The following LIMD1 variants were observed in gnomAD, a reference collection of about 807,000 sequenced individuals.
LIMD1 encodes LIM domain containing 1, also known as LIM domain-containing protein 1.
LIMD1 carries 23 observed loss-of-function variants against 58.4 expected under a neutral mutation model. The ratio of observed to expected loss-of-function variants is 0.39; its 90% confidence interval spans 0.28 to 0.56. The LOEUF (loss-of-function observed/expected upper bound fraction) is 0.56, where lower values mean the gene tolerates loss of function less well. LIMD1 is among the 20% of genes least tolerant of loss of function. The pLI is 0.57. For missense variants in LIMD1, 838 were observed against 855.5 expected (o/e 0.98, Z 0.25); for synonymous variants, 334 against 345.5 (o/e 0.97, Z 0.37).
At chr3:45,672,127 G>A (rs184238080) in intron 4 of LIMD1, among the ~76,000 whole-genome samples, 11 of 152,356 alleles carry the variant, frequency 7.2e-5, no homozygotes, top group African/African-American at 2.6e-4. Flanking sequence ...ATTGGGTTGA[G>A]TCAGAACTTC....
chr3:45,612,078 T>G (rs1031602436), intron 1 of LIMD1, among the ~76,000 whole-genome samples: 1 of 151,620 alleles, frequency 6.6e-6, no homozygotes, highest in African/African-American at 2.4e-5. Context: ...GCGCTCTCTC[T>G]CTCTCTCTCT....
intron 2 of LIMD1, among the ~76,000 whole-genome samples, chr3:45,642,324 C>G (rs562166935): frequency 3.3e-5 from 5 of 152,058 alleles, no homozygotes; most frequent in African/African-American, 1.2e-4. Flanking sequence ...TACAGACATG[C>G]ACCACCATGT....
chr3:45,608,588 C>G (rs1701490319), intron 1 of LIMD1, among the ~76,000 whole-genome samples: 1 of 152,036 alleles, frequency 6.6e-6, no homozygotes, highest in South Asian at 2.1e-4. Flanking sequence ...ACCTATAATC[C>G]CAACACTTTT....
In LIMD1 at chr3:45,595,393, T is replaced by C. The variant is rs761220558; in HGVS notation, c.514T>C (p.Ser172Pro). The stretch of plus-strand genomic sequence containing the variant: ...CCAGCCAGGCCCCTGTGAGGATCCT[T>C]CCTGCCTCACTCATGGAGACTATTA... ...FHQPGPCEDPSCLTHGDYYDN... is the reference protein window; with the variant it reads ...FHQPGPCEDPPCLTHGDYYDN... The change falls in exon 1 of 8, where the codon TCC becomes CCC. Residue 172 changes from serine (S) to proline (P), a missense_variant. Transcript: ENST00000273317. 2.5e-6 allele frequency: 4 copies of C among 1,613,798 alleles called. No individual in the cohort carries two copies. The highest frequency in any genetic ancestry group is 3.4e-6 in the Non-Finnish European group (4 of 1,180,046).
chr3:45,614,768 G>GT (rs34868046), intron 1 of LIMD1, among the ~76,000 whole-genome samples: 75,549 of 137,370 alleles, frequency 0.55, 21,077 homozygotes, highest in Non-Finnish European at 0.61. Flanking sequence ...ATTCCTGGGT[G>GT]TTTTTTTTTT....
intron 1 of LIMD1, among the ~76,000 whole-genome samples, chr3:45,628,021 A>T (rs972075724): frequency 9.2e-6 from 1 of 109,214 alleles, no homozygotes; most frequent in South Asian, 3.0e-4. Context: ...AAAAAAAAAG[A>T]AAAAAGAATA....
At chr3:45,631,163 G>A (rs1559518755) in intron 1 of LIMD1, among the ~76,000 whole-genome samples, 1 of 152,068 alleles carries the variant, frequency 6.6e-6, no homozygotes, top group African/African-American at 2.4e-5. Flanking sequence ...GAGATCGCAT[G>A]CTGCACTCCA....
chr3:45,646,738 A>G (rs1435102762), intron 2 of LIMD1, among the ~76,000 whole-genome samples: 1 of 145,434 alleles, frequency 6.9e-6, no homozygotes, highest in Non-Finnish European at 1.5e-5. Context: ...TTCAGGCTGG[A>G]GTGCAGTGCT....
At chr3:45,606,707 T>C (rs1701471005) in intron 1 of LIMD1, among the ~76,000 whole-genome samples, 1 of 152,216 alleles carries the variant, frequency 6.6e-6, no homozygotes, top group South Asian at 2.1e-4. Context: ...CAGCCCATAC[T>C]TCCCTTGGGC....
chr3:45,613,243 G>A (rs1391828719), intron 1 of LIMD1, among the ~76,000 whole-genome samples: 1 of 152,116 alleles, frequency 6.6e-6, no homozygotes, highest in Non-Finnish European at 1.5e-5. Context: ...TACTAAGGAA[G>A]GTGTCTCTAA....
At chr3:45,650,180 A>G (rs1277936953) in intron 2 of LIMD1, among the ~76,000 whole-genome samples, 1 of 152,030 alleles carries the variant, frequency 6.6e-6, no homozygotes, top group East Asian at 1.9e-4. Flanking sequence ...TCGTTATTTA[A>G]AAAGTTCTTT....
chr3:45,671,833 G>C (rs1041445310), intron 4 of LIMD1, among the ~76,000 whole-genome samples: 4 of 152,176 alleles, frequency 2.6e-5, no homozygotes, highest in Admixed American at 6.5e-5. Flanking sequence ...TCATAGGAAT[G>C]ATATTTTATC....
chr3:45,636,273 G>A lies in LIMD1; in HGVS notation c.1510+22G>A, dbSNP rs765568170. The stretch of plus-strand genomic sequence containing the variant: ...TGCAGTAAGTGTGGGTGTGGGTGTC[G>A]GGTGTGTGGGGGATGCGTAAGGAAC... On this transcript the variant is annotated intron_variant, in intron 2 of 7. Transcript: ENST00000273317. 1.3e-4 allele frequency: 201 copies of A among 1,517,010 alleles called. No homozygotes were observed. The highest frequency in any genetic ancestry group is 1.7e-4 in the Non-Finnish European group (185 of 1,107,768). 94.0% of individuals were successfully genotyped at this position (1,517,010 alleles called of 1,614,324 possible).
At chr3:45,609,125 A>G (rs542379019) in intron 1 of LIMD1, among the ~76,000 whole-genome samples, 9 of 152,288 alleles carry the variant, frequency 5.9e-5, no homozygotes, top group East Asian at 1.9e-4. Context: ...AGCTGTGCCA[A>G]TTTTCACCAG....
chr3:45,666,375 C>T (rs1697518436), intron 3 of LIMD1, among the ~76,000 whole-genome samples: 1 of 152,180 alleles, frequency 6.6e-6, no homozygotes, highest in Non-Finnish European at 1.5e-5. Context: ...GCTAGCTTAA[C>T]GGCCTCCGCA....
intron 2 of LIMD1, among the ~76,000 whole-genome samples, chr3:45,646,767 A>C (rs115160776): frequency 0.03 from 4,547 of 151,240 alleles, 74 homozygotes; most frequent in Non-Finnish European, 0.04. Flanking sequence ...GCTCACTGCA[A>C]CCTCTGCCTC....
intron 2 of LIMD1, among the ~76,000 whole-genome samples, chr3:45,652,428 T>A (rs913854150): frequency 1.3e-5 from 2 of 152,240 alleles, no homozygotes; most frequent in Admixed American, 6.5e-5. Context: ...TTCTCTTCCC[T>A]GTGGGTTGTG....
At position 45,596,089 on chromosome 3, in the gene LIMD1, G is replaced by C. The variant is rs531370397; in HGVS notation, c.1210G>C (p.Gly404Arg). The C allele has an allele frequency of 2.7e-5, 43 of 1,614,152 alleles. No homozygotes were observed. In the East Asian group the frequency reaches 7.4e-4, roughly 28 times the overall value. The stretch of plus-strand genomic sequence containing the variant: ...CCTGCCTGAGTTATCTTGTAAAGAG[G>C]GTCCCCTGGGCTGGTCTTCTGATGG... ...STLPELSCKE[G>R]PLGWSSDGSL... Residue 404 changes from glycine (G) to arginine (R), a missense_variant, in exon 1 of 8, where the codon GGT becomes CGT. This residue lies in a region of LIMD1 where 659 missense variants were observed against 639.8 expected (regional missense o/e 1.03). Transcript: ENST00000273317.
At chr3:45,635,732 C>CAAAAAAA (rs71095045) in intron 1 of LIMD1, among the ~76,000 whole-genome samples, 7 of 73,792 alleles carry the variant, frequency 9.5e-5, no homozygotes, top group East Asian at 3.6e-4. Context: ...ATCCCCGTCT[C>CAAAAAAA]AAAAAAAAAA....
Sources: allele counts gnomAD v4.1 joint callset (sites outside exome capture counted in the v4.1 genomes callset), GRCh38; gene constraint gnomAD v4.1.1; regional missense constraint gnomAD v4.1.1; transcripts MANE v1.5; gene names NCBI Gene and HGNC (gene_info 2026-07-23, HGNC 2026-07-21).